MEF2C: variants seen among roughly 807,000 people sequenced by gnomAD.
MEF2C encodes the protein myocyte-specific enhancer factor 2C.
A neutral mutation model predicts 50.5 loss-of-function variants in MEF2C; 6 were observed. The observed-to-expected ratio is 0.12, with a 90% CI of 0.07 to 0.23. The LOEUF (loss-of-function observed/expected upper bound fraction) is 0.23. Among genes scored for constraint, MEF2C ranks in the 10% least tolerant of loss-of-function variants. The pLI, the probability that MEF2C is intolerant of heterozygous loss-of-function variation, is 1.00. For missense variants in MEF2C, 276 were observed against 605.0 expected, an observed-to-expected ratio of 0.46 and a Z score of 5.70; for synonymous variants, 183 against 228.0, an observed-to-expected ratio of 0.80 and a Z score of 1.78.
At chr5:88,824,050 AAAT>A in intron 1 of MEF2C, 120 bp from the exon 2 acceptor site, 1 of 1,048,372 alleles carries the variant, frequency 9.5e-7, no homozygotes, top group Non-Finnish European at 1.2e-6. Context: ...AAATGAATAA[AAAT>A]AACTTTTTTG....
intron 3 of MEF2C, among the ~76,000 whole-genome samples, chr5:88,802,379 C>A (rs1053525713): frequency 6.6e-6 from 1 of 152,184 alleles, no homozygotes; most frequent in African/African-American, 2.4e-5. Flanking sequence ...TTAAAGAAGT[C>A]TGACTTTCAA....
chr5:88,805,949 T>G (rs982354207), intron 2 of MEF2C, among the ~76,000 whole-genome samples: 14 of 150,452 alleles, frequency 9.3e-5, no homozygotes, highest in African/African-American at 3.4e-4. Flanking sequence ...TAGAGTACTG[T>G]TCCTATAAAA....
intron 3 of MEF2C, among the ~76,000 whole-genome samples, chr5:88,795,549 A>G (rs956899463): frequency 6.6e-6 from 1 of 152,186 alleles, no homozygotes; most frequent in Non-Finnish European, 1.5e-5. Flanking sequence ...GGGTGAGACA[A>G]TGGGGTTTTC....
chr5:88,793,962 A>G (rs1006372122), intron 3 of MEF2C, among the ~76,000 whole-genome samples: 1 of 152,176 alleles, frequency 6.6e-6, no homozygotes, highest in Non-Finnish European at 1.5e-5. Flanking sequence ...GGTCCCTGCA[A>G]AGGACATGAA....
intron 4 of MEF2C, among the ~76,000 whole-genome samples, chr5:88,755,691 TTAC>T: frequency 6.6e-6 from 1 of 152,368 alleles, no homozygotes; most frequent in African/African-American, 2.4e-5. Context: ...GAATTCACTG[TTAC>T]TACTTATAAA....
At chr5:88,740,276 AAC>A (rs1766025315) in intron 6 of MEF2C, 1 of 955,676 alleles carries the variant, frequency 1.0e-6, no homozygotes, top group Non-Finnish European at 1.2e-6. Flanking sequence ...GTGTGAAATT[AAC>A]AGTCTGTCAA....
At chr5:88,883,223 G>T (rs886060867), upstream of MEF2C, 1 of 149,430 alleles carries the variant, frequency 6.7e-6, no homozygotes, top group Admixed American at 6.7e-5. Context: ...ATGTGTGCGT[G>T]TGTGCGCGCG....
At chr5:88,895,922 A>G (rs1056543745) in intron 1 of MEF2C, among the ~76,000 whole-genome samples, 4 of 152,198 alleles carry the variant, frequency 2.6e-5, no homozygotes, top group Non-Finnish European at 4.4e-5. Context: ...CCTCTCTTCA[A>G]AAGTTTTCTG....
chr5:88,771,283 G>T, intron 3 of MEF2C: 1 of 418,922 alleles, frequency 2.4e-6, no homozygotes, highest in Non-Finnish European at 3.2e-6. Flanking sequence ...CATTTGGCAA[G>T]TCAGCTCAAT....
intron 1 of MEF2C, among the ~76,000 whole-genome samples, chr5:88,839,775 G>A (rs569976916): frequency 6.6e-5 from 10 of 151,982 alleles, no homozygotes; most frequent in African/African-American, 1.9e-4. Flanking sequence ...CTTTTGTATC[G>A]TATGAAATAG....
At chr5:88,864,150 T>G (rs202144494) in intron 1 of MEF2C, among the ~76,000 whole-genome samples, 7 of 122,462 alleles carry the variant, frequency 5.7e-5, no homozygotes, top group African/African-American at 1.9e-4. Flanking sequence ...TTTTTTTTTT[T>G]GTTTTTTTTT....
chr5:88,739,826 A>G (rs1765751691), intron 6 of MEF2C: 1 of 985,260 alleles, frequency 1.0e-6, no homozygotes, highest in African/African-American at 1.7e-5. Context: ...TCTGGGTATG[A>G]TGAAAATTTC....
intron 3 of MEF2C, chr5:88,771,372 A>C (rs905077250): frequency 3.3e-6 from 3 of 920,530 alleles, no homozygotes; most frequent in Admixed American, 6.2e-5. Flanking sequence ...TCAGTTACAC[A>C]AACCTTAATT....
At chr5:88,812,467 A>G (rs1350389823) in intron 2 of MEF2C, among the ~76,000 whole-genome samples, 1 of 152,176 alleles carries the variant, frequency 6.6e-6, no homozygotes, top group Non-Finnish European at 1.5e-5. Flanking sequence ...AACTTACAGT[A>G]GAAACTTACA....
intron 1 of MEF2C, among the ~76,000 whole-genome samples, chr5:88,896,325 C>T (rs767687105): frequency 9.2e-5 from 14 of 152,220 alleles, no homozygotes; most frequent in Non-Finnish European, 1.9e-4. Context: ...GTCACTCAGA[C>T]TTACCCTGTG....
At chr5:88,844,584 T>A (rs1818643564) in intron 1 of MEF2C, 1 of 764,934 alleles carries the variant, frequency 1.3e-6, no homozygotes, top group African/African-American at 1.9e-5. Context: ...ACTGGGAAAA[T>A]ATACTGCTAT....
intron 1 of MEF2C, among the ~76,000 whole-genome samples, chr5:88,872,896 T>C (rs1170741377): frequency 6.6e-6 from 1 of 152,008 alleles, no homozygotes. Flanking sequence ...AATAGCATAA[T>C]ATGTAGAATC....
chr5:88,885,707 G>A (rs575640367), upstream of MEF2C, among the ~76,000 whole-genome samples: 2 of 152,084 alleles, frequency 1.3e-5, no homozygotes, highest in East Asian at 3.8e-4. Context: ...CAAGATTCAC[G>A]AAGGTCCTGA....
intron 1 of MEF2C, among the ~76,000 whole-genome samples, chr5:88,898,886 A>G (rs1321911758): frequency 6.6e-6 from 1 of 152,148 alleles, no homozygotes; most frequent in African/African-American, 2.4e-5. Flanking sequence ...CTAAATACCT[A>G]TATGTAGCAG....
Sources: gnomAD v4.1 joint callset for allele counts (sites outside exome capture counted in the v4.1 genomes callset) on GRCh38, gnomAD v4.1.1 for gene constraint, MANE v1.5 for transcripts, NCBI Gene and HGNC (gene_info 2026-07-23, HGNC 2026-07-21) for gene names.